MAP3K6: variants seen among roughly 807,000 people sequenced by gnomAD.
MAP3K6 encodes apoptosis signal-regulating kinase 2.
A neutral mutation model predicts 147.1 loss-of-function variants in MAP3K6; 105 were observed. The ratio of observed to expected loss-of-function variants is 0.71; its 90% CI spans 0.61 to 0.84. The LOEUF is 0.84. MAP3K6 is among the 40% of genes least tolerant of loss of function. The probability of loss-of-function intolerance (pLI) is 0.00; values close to 1 mark genes in which losing one functional copy is unlikely to be tolerated. For synonymous variants in MAP3K6, 695 were observed against 732.4 expected (o/e 0.95, Z 0.82); for missense variants, 1,569 against 1,715.0 (o/e 0.91, Z 1.50).
In MAP3K6 at chr1:27,357,804, C is replaced by CT. The variant is rs766204834; in HGVS notation, c.2987dup (p.Glu997GlyfsTer141). Reference sequence around the variant, plus strand: ...CCAGCATGGCCCGACGCTTGCTCTCCTGGTGCAGCAGGCTCAGCCCCGAAC... The same window carrying CT: ...CCAGCATGGCCCGACGCTTGCTCTCCTTGGTGCAGCAGGCTCAGCCCCGAAC... On this transcript the variant is annotated frameshift_variant, in exon 22 of 29. Transcript: ENST00000357582. LOFTEE classifies it high-confidence loss of function. 5.0e-6 allele frequency: 8 copies of CT among 1,607,188 alleles called. No homozygotes were observed. In the East Asian group the frequency reaches 1.8e-4, roughly 36 times the overall value.
At position 27,358,740 on chromosome 1, in the gene MAP3K6, T is replaced by C. The variant is rs1418234847; in HGVS notation, c.2552A>G (p.Glu851Gly). The C allele has an allele frequency of 1.9e-6, 3 of 1,613,820 alleles. No homozygotes were observed. Among genetic ancestry groups the C allele is most frequent in the Non-Finnish European group, 2.5e-6 (3 of 1,179,974 alleles). Residue 851 changes from glutamate (E) to glycine (G), a missense_variant, in exon 19 of 29, where the codon GAG becomes GGG. Physicochemically the swap from Glu to Gly is moderately conservative, Grantham distance 98. Coordinates refer to ENST00000357582, the MANE Select transcript of MAP3K6 (RefSeq NM_004672.5). The surrounding 1 kb of genome is among the most constrained non-coding windows in gnomAD (Gnocchi z 6.2). ...CATGGCAGCCTGTGGGCTCCCGAGC[T>C]CGTGGAAGGGGGGGCGACCTGTGGC... Reference protein sequence around the residue: ...EMATGRPPFHELGSPQAAMFQ... With the variant: ...EMATGRPPFHGLGSPQAAMFQ...
Position 27,363,473 on chromosome 1 carries a change from C to G in MAP3K6, c.940G>C (p.Val314Leu), listed in dbSNP as rs2015858674. 3.7e-6 allele frequency: 6 copies of G among 1,613,648 alleles called. No homozygotes were observed. Among genetic ancestry groups the G allele is most frequent in the Non-Finnish European group, 5.1e-6 (6 of 1,179,808 alleles). The change falls in exon 6 of 29, where the codon GTC becomes CTC. Residue 314 changes from valine to leucine, a missense_variant. Physicochemically the swap from Val to Leu is conservative, Grantham distance 32. Coordinates refer to ENST00000357582, the MANE Select transcript of MAP3K6 (RefSeq NM_004672.5). The stretch of plus-strand genomic sequence containing the variant: ...AGGGCAAAAGTGTAGTGGAAGCAGA[C>G]ATTATGCTGCTCGGCCACATCACAG... ...PTCDVAEQHN[V>L]CFHYTFALNR...
chr1:27,361,646 T>A lies in MAP3K6; in HGVS notation c.1579-19A>T, dbSNP rs1557563252. ...CCAGCACCTGCAGGCAGTTGGGGAG[T>A]GGGGTCAGTCAGAAGGGGCTTACCC... On this transcript the variant is annotated intron_variant, in intron 10 of 28. Coordinates refer to ENST00000357582, the MANE Select transcript of MAP3K6 (RefSeq NM_004672.5). 1 of 1,613,570 alleles carries A rather than the reference T, an allele frequency of 6.2e-7. No individual in the cohort carries two copies. Among genetic ancestry groups the A allele is most frequent in the Non-Finnish European group, 8.5e-7 (1 of 1,179,884 alleles).
Position 27,357,467 on chromosome 1 carries a change from C to G in MAP3K6, c.3191G>C (p.Gly1064Ala), listed in dbSNP as rs201471065. ...CCCAAGGCCCTGGGCCCTCAGCCGTCCTTGCAGCGCCCGCAGCTCCTGGGC... is the reference window on the plus strand; with the variant it reads ...CCCAAGGCCCTGGGCCCTCAGCCGTGCTTGCAGCGCCCGCAGCTCCTGGGC... ...QLAQELRALQGRLRAQGLGPA... is the reference protein window; with the variant it reads ...QLAQELRALQARLRAQGLGPA... Residue 1064 changes from glycine to alanine, a missense_variant, in exon 23 of 29, where the codon GGA becomes GCA. Physicochemically the swap from Gly to Ala is moderately conservative, Grantham distance 60. Transcript: ENST00000357582. The G allele has an allele frequency of 1.2e-5, 20 of 1,613,578 alleles. No individual in the cohort carries two copies. The East Asian group carries it at 4.2e-4, about 34-fold the overall frequency.
Position 27,364,266 on chromosome 1 carries a change from G to C in MAP3K6, c.633C>G (p.Ala211=), listed in dbSNP as rs752428015. The change falls in exon 4 of 29, where the codon GCC becomes GCG. Residue 211 remains alanine, a synonymous_variant. Transcript: ENST00000357582. The surrounding 1 kb of genome is among the most constrained non-coding windows in gnomAD (Gnocchi z 4.4). ...GCCGGCCCACCAGGGGAGTGAGCAG[G>C]GCCTCGGTCCCCACTCCAGCCTGTA... ...GLVQAGVGTE[A]LLTPLVGRLA... The C allele has an allele frequency of 6.2e-7, 1 of 1,613,632 alleles. No homozygotes were observed. Among genetic ancestry groups the C allele is most frequent in the Non-Finnish European group, 8.5e-7 (1 of 1,180,008 alleles).
Position 27,364,555 on chromosome 1 carries a change from G to T in MAP3K6, c.504+106C>A. 1 of 1,569,436 alleles carries T rather than the reference G, an allele frequency of 6.4e-7. No homozygotes were observed. Among genetic ancestry groups the T allele is most frequent in the Non-Finnish European group, 8.8e-7 (1 of 1,139,732 alleles). ...CAGGAAACAGAGGAATACTTGGGAT[G>T]TCAGTGGGGGGTTAGGTGACTGAGG... On this transcript the variant is annotated intron_variant, in intron 3 of 28. Coordinates refer to ENST00000357582, the MANE Select transcript of MAP3K6 (RefSeq NM_004672.5). This position sits in a 1 kb window ranked among gnomAD's most constrained non-coding sequence, Gnocchi z 4.4.
chr1:27,364,345 C>T lies in MAP3K6; in HGVS notation c.554G>A (p.Gly185Asp). 1.2e-6 allele frequency: 2 copies of T among 1,614,134 alleles called. No individual in the cohort carries two copies. The highest frequency in any genetic ancestry group is 2.2e-5 in the South Asian group (2 of 91,088). Residue 185 changes from glycine (G) to aspartate (D), a missense_variant, in exon 4 of 29, where the codon GGT becomes GAT. Coordinates refer to ENST00000357582, the MANE Select transcript of MAP3K6 (RefSeq NM_004672.5). The surrounding 1 kb of genome is among the most constrained non-coding windows in gnomAD (Gnocchi z 4.4). ...GCCTGCATCACCACACAGCACCCGA[C>T]CAGTGGCCGTCACCACATAGGGGAT... is the stretch of plus-strand genomic sequence containing the variant. ...TLIPYVVTAT[G>D]RVLCGDAGLL... is the part of the protein sequence containing the mutation.
At chr1:27,362,038 G>A in intron 9 of MAP3K6, 53 bp downstream of exon 9, 1 of 1,569,916 alleles carries the variant, frequency 6.4e-7, no homozygotes, top group South Asian at 1.2e-5. Context: ...ATGGACATAG[G>A]TGCAGGAGCT....
At position 27,358,778 on chromosome 1, in the gene MAP3K6, A is replaced by C; in HGVS notation, c.2514T>G (p.Thr838=). ...KAADIWSLGC[T]VIEMATGRPP... ...GGCGACCTGTGGCCATCTCAATGACAGTGCAGCCCAGTGACCAGATGTCAG... is the reference window on the plus strand; with the variant it reads ...GGCGACCTGTGGCCATCTCAATGACCGTGCAGCCCAGTGACCAGATGTCAG... The change falls in exon 19 of 29, where the codon ACT becomes ACG. Residue 838 remains threonine, a synonymous_variant. Transcript: ENST00000357582. This position sits in a 1 kb window ranked among gnomAD's most constrained non-coding sequence, Gnocchi z 6.2. The C allele has an allele frequency of 6.2e-7, 1 of 1,613,854 alleles. No homozygotes were observed. The highest frequency in any genetic ancestry group is 1.7e-4 in the Middle Eastern group (1 of 6,058).
chr1:27,356,639 G>A lies in MAP3K6; in HGVS notation c.3475C>T (p.Pro1159Ser), dbSNP rs766333025. The A allele has an allele frequency of 8.1e-6, 13 of 1,612,288 alleles. No individual in the cohort carries two copies. The highest frequency in any genetic ancestry group is 3.4e-5 in the Admixed American group (2 of 59,694). Residue 1159 changes from proline to serine, a missense_variant, in exon 25 of 29, where the codon CCC becomes TCC. Pro to Ser is a moderately conservative substitution (Grantham distance 74). Transcript: ENST00000357582. ...CTCAGCTGCACCATCAGAGGAGCGG[G>A]GCCCTGCTCGGGCTCCACCGGAAGC... ...SPLPVEPEQG[P>S]APLMVQLSLL...
intron 5 of MAP3K6, 88 bp downstream of exon 5, chr1:27,363,829 G>C: frequency 7.5e-7 from 1 of 1,328,764 alleles, no homozygotes; most frequent in Non-Finnish European, 1.0e-6. Context: ...AAAGCCACCA[G>C]TGAGCAAGTG....
rs746348530 is a variant in MAP3K6 at position 27,360,917 on chromosome 1, T to A, written c.1920+4A>T. On this transcript the variant is annotated splice_donor_region_variant and intron_variant, in intron 14 of 28. Transcript: ENST00000357582. The surrounding 1 kb of genome is among the most constrained non-coding windows in gnomAD (Gnocchi z 4.5). ...TCCGCGAGCTCCCAGTCCCGCGTCC[T>A]CACCTCCAACATCTCCCCCGCGCCC... The A allele has an allele frequency of 5.6e-6, 9 of 1,608,586 alleles. No homozygotes were observed. The African/African-American group carries it at 1.1e-4, about 19-fold the overall frequency.
Position 27,364,209 on chromosome 1 carries a change from G to A in MAP3K6, c.690C>T (p.Asp230=), listed in dbSNP as rs1158153944. The change falls in exon 4 of 29, where the codon GAC becomes GAT. Residue 230 remains aspartate (D), a synonymous_variant. Coordinates refer to ENST00000357582, the MANE Select transcript of MAP3K6 (RefSeq NM_004672.5). The surrounding 1 kb of genome is among the most constrained non-coding windows in gnomAD (Gnocchi z 4.4). ...TCCCTGGGGGCCTTCATTACCAAGAGTCTGTGGGTGTGGCCTCCAGCAGGC... is the reference window on the plus strand; with the variant it reads ...TCCCTGGGGGCCTTCATTACCAAGAATCTGTGGGTGTGGCCTCCAGCAGGC... The part of the protein sequence containing the change: ...LARLLEATPT[D]SCGYFRETIR... 1 of 1,611,528 alleles carries A rather than the reference G, an allele frequency of 6.2e-7. No individual in the cohort carries two copies.
In MAP3K6 at chr1:27,355,294, G is replaced by A. The variant is rs72882730; in HGVS notation, c.*97C>T. The A allele has an allele frequency of 9.8e-3, 11,578 of 1,180,676 alleles. 805 individuals carry two copies. In the African/African-American group the frequency reaches 0.15, roughly 15 times the overall value. 73.1% of individuals were successfully genotyped at this position (1,180,676 alleles called of 1,614,324 possible). A position where few individuals can be genotyped will look rare whatever the true frequency, so the allele number is the denominator to read the frequency against. ...CCCACTCGCCTGGCTTCCTCCAGTC[G>A]CCCCAGGTCCTGGGGCTGGTGTGTC... On this transcript the variant is annotated 3_prime_UTR_variant, in exon 29 of 29. Coordinates refer to ENST00000357582, the MANE Select transcript of MAP3K6 (RefSeq NM_004672.5).
intron 1 of MAP3K6, among the ~76,000 whole-genome samples, chr1:27,365,784 A>C (rs1005794110): frequency 1.3e-5 from 2 of 151,100 alleles, no homozygotes; most frequent in Non-Finnish European, 2.9e-5. Context: ...GTATGCTAGG[A>C]CTCCTGAACT....
rs747560324 is a variant in MAP3K6, at chr1:27,355,314, T to A, written c.*77A>T. The A allele has an allele frequency of 7.4e-7, 1 of 1,353,032 alleles. No homozygotes were observed. The highest frequency in any genetic ancestry group is 1.1e-6 in the Non-Finnish European group (1 of 941,912). The allele number at this position is 1,353,032 out of a possible 1,614,324, so 83.8% of individuals were successfully genotyped here. ...CAGTCGCCCCAGGTCCTGGGGCTGG[T>A]GTGTCAGAAGCTGCCTTTGTCCTCT... On this transcript the variant is annotated 3_prime_UTR_variant, in exon 29 of 29. Transcript: ENST00000357582.
In MAP3K6 at chr1:27,364,204, C is replaced by G. The variant is rs1557567562; in HGVS notation, c.695G>C (p.Cys232Ser). The G allele has an allele frequency of 6.2e-7, 1 of 1,610,916 alleles. No homozygotes were observed. Among genetic ancestry groups the G allele is most frequent in the East Asian group, 2.2e-5 (1 of 44,876 alleles). The change falls in exon 4 of 29, where the codon TGT becomes TCT. Residue 232 changes from cysteine (C) to serine (S), a missense_variant and splice_region_variant. Cys to Ser is a moderately radical substitution (Grantham distance 112). Transcript: ENST00000357582. The surrounding 1 kb of genome is among the most constrained non-coding windows in gnomAD (Gnocchi z 4.4). Reference protein sequence around the residue: ...RLLEATPTDSCGYFRETIRRD... With the variant: ...RLLEATPTDSSGYFRETIRRD... ...CACCCTCCCTGGGGGCCTTCATTACCAAGAGTCTGTGGGTGTGGCCTCCAG... is the reference window on the plus strand; with the variant it reads ...CACCCTCCCTGGGGGCCTTCATTACGAAGAGTCTGTGGGTGTGGCCTCCAG...
In MAP3K6 at chr1:27,358,890, A is replaced by G. The variant is rs757839849; in HGVS notation, c.2426-24T>C. 1.9e-5 allele frequency: 29 copies of G among 1,543,822 alleles called. No homozygotes were observed. The highest frequency in any genetic ancestry group is 5.9e-5 in the Admixed American group (3 of 50,534). ...TCCTAGGACAGAAACAGGAGCACCA[A>G]TGCCCATCTAGGCTTCATCATGGGG... is the stretch of plus-strand genomic sequence containing the variant. On this transcript the variant is annotated intron_variant, in intron 18 of 28. Transcript: ENST00000357582. The surrounding 1 kb of genome is among the most constrained non-coding windows in gnomAD (Gnocchi z 6.2).
At position 27,361,859 on chromosome 1, in the gene MAP3K6, A is replaced by G. The variant is rs1309157562; in HGVS notation, c.1424T>C (p.Val475Ala). 2 of 1,551,030 alleles carry G rather than the reference A, an allele frequency of 1.3e-6. No individual in the cohort carries two copies. The highest frequency in any genetic ancestry group is 3.9e-5 in the Admixed American group (2 of 51,532). Residue 475 changes from valine to alanine, a missense_variant, in exon 10 of 29, where the codon GTG (valine) becomes GCG (alanine). Transcript: ENST00000357582. ...YKLNAPIWYL[V>A]SVMETFLLYQ... Reference sequence around the variant, plus strand: ...GAGCAGGAAGGTCTCCATCACGGACACCAGGTACCTGCATGCAAAGCCACA... The same window carrying G: ...GAGCAGGAAGGTCTCCATCACGGACGCCAGGTACCTGCATGCAAAGCCACA...
Sources: gnomAD v4.1 joint callset for allele counts (sites outside exome capture counted in the v4.1 genomes callset) on GRCh38, gnomAD v4.1.1 for gene constraint, Gnocchi (gnomAD v3.1) non-coding constraint, MANE v1.5 for transcripts, NCBI Gene and HGNC (gene_info 2026-07-23, HGNC 2026-07-21) for gene names.